The following ZNF516 variants were observed in gnomAD, a reference collection of about 807,000 sequenced individuals.
The protein encoded by ZNF516 is zinc finger protein 516.
Under a neutral mutation model 79.7 loss-of-function variants are expected in ZNF516, and 19 were observed. The observed-to-expected ratio is 0.24, with a 90% CI of 0.17 to 0.35. ZNF516 has a LOEUF of 0.35. Among genes scored for constraint, ZNF516 ranks in the 10% least tolerant of loss-of-function variants. ZNF516 has a pLI of 1.00. For synonymous variants in ZNF516, 877 were observed against 739.5 expected, an observed-to-expected ratio of 1.19 and a Z score of -3.02; for missense variants, 1,678 against 1,679.5, an observed-to-expected ratio of 1.00 and a Z score of 0.02.
At position 76,423,983 on chromosome 18, in the gene ZNF516, A is replaced by G. The variant is rs527547502; in HGVS notation, c.1810+17262T>C. ...CACGCAGGTGAAAAGGCTCCCCCGA[A>G]ACACACACAGGTAAAAAGGCTTCAC... On this transcript the variant is annotated intron_variant, in intron 3 of 6. Transcript: ENST00000443185. Among the ~76,000 whole-genome samples the G allele has an allele frequency of 1.5e-3, 190 of 129,562 alleles. 1 individual carries two copies. The highest frequency in any genetic ancestry group is 5.4e-3 in the African/African-American group (181 of 33,492). 85.0% of individuals were successfully genotyped at this position (129,562 alleles called of 152,430 possible).
rs759543678 is a variant in ZNF516, at chr18:76,442,434, G to A, written c.621C>T (p.Tyr207=). The change falls in exon 3 of 7, where the codon TAC becomes TAT. Residue 207 remains tyrosine (Y), a synonymous_variant. Coordinates refer to ENST00000443185, the MANE Select transcript of ZNF516 (RefSeq NM_014643.4). ...HKPFKCRLCS[Y]ATLREESLLS... ...GCAGCGACTCCTCCCGCAGCGTCGCGTAGCTGCACAGCCTGCACTTGAACG... is the reference window on the plus strand; with the variant it reads ...GCAGCGACTCCTCCCGCAGCGTCGCATAGCTGCACAGCCTGCACTTGAACG... 3.7e-6 allele frequency: 6 copies of A among 1,606,610 alleles called. No homozygotes were observed. The highest frequency in any genetic ancestry group is 1.7e-5 in the Admixed American group (1 of 60,004).
At chr18:76,494,465 C>A (rs1462172652) in intron 1 of ZNF516, among the ~76,000 whole-genome samples, 1 of 149,942 alleles carries the variant, frequency 6.7e-6, no homozygotes, top group Non-Finnish European at 1.5e-5. Context: ...CACCCCCACC[C>A]CCGCCCGAAC....
Position 76,442,792 on chromosome 18 carries a change from G to T in ZNF516, c.263C>A (p.Thr88Asn), listed in dbSNP as rs1400518218. 19 of 1,607,208 alleles carry T rather than the reference G, an allele frequency of 1.2e-5. No individual in the cohort carries two copies. Among genetic ancestry groups the T allele is most frequent in the Non-Finnish European group, 1.6e-5 (19 of 1,176,760 alleles). Residue 88 changes from threonine to asparagine, a missense_variant, in exon 3 of 7, where the codon ACT becomes AAT. This residue lies in a region of ZNF516 where 26 missense variants were observed against 66.4 expected (regional missense o/e 0.39). Transcript: ENST00000443185. ...KIHIRSHRTG[T>N]LIQGHEPEAG... ...CTCCGGCTCGTGTCCCTGAATCAGA[G>T]TCCCCGTGCGGTGGCTCCGGATGTG...
chr18:76,492,026 C>T (rs1309612390), intron 1 of ZNF516: 4 of 335,922 alleles, frequency 1.2e-5, no homozygotes, highest in Non-Finnish European at 1.7e-5. Flanking sequence ...CACGGACCCT[C>T]GGGTGACCTC....
chr18:76,453,887 A>G (rs1912565765), intron 2 of ZNF516, among the ~76,000 whole-genome samples: 1 of 152,214 alleles, frequency 6.6e-6, no homozygotes, highest in Non-Finnish European at 1.5e-5. Context: ...TGTATATACT[A>G]TGCCATGTAA....
At chr18:76,464,387 G>T (rs1165893449) in intron 1 of ZNF516, among the ~76,000 whole-genome samples, 2 of 152,096 alleles carry the variant, frequency 1.3e-5, no homozygotes, top group African/African-American at 2.4e-5. Flanking sequence ...CAGAAAGTGG[G>T]ACTCACACAT....
intron 1 of ZNF516, chr18:76,492,438 G>A: frequency 1.1e-6 from 1 of 912,626 alleles, no homozygotes; most frequent in Non-Finnish European, 1.3e-6. Context: ...GGAGGCGGGT[G>A]GGCAGCCGAA....
At chr18:76,490,821 G>A (rs1488278873) in intron 1 of ZNF516, 3 of 985,472 alleles carry the variant, frequency 3.0e-6, no homozygotes, top group South Asian at 4.7e-5. Context: ...GGGTCCGAGG[G>A]CTCCGTCCTT....
intron 3 of ZNF516, among the ~76,000 whole-genome samples, chr18:76,400,576 A>G (rs183568979): frequency 3.9e-4 from 59 of 152,372 alleles, no homozygotes; most frequent in Admixed American, 3.4e-3. Context: ...AGTGTGGATT[A>G]TAAAGCTATA....
At chr18:76,495,898 C>T (rs1029099499), upstream of ZNF516, 155 of 397,382 alleles carry the variant, frequency 3.9e-4, 3 homozygotes, top group African/African-American at 3.3e-3. Flanking sequence ...AATCAAGGGT[C>T]ACAGAGGTCC....
chr18:76,483,919 C>A (rs1914679442), intron 1 of ZNF516, among the ~76,000 whole-genome samples: 2 of 152,172 alleles, frequency 1.3e-5, no homozygotes, highest in Non-Finnish European at 2.9e-5. Context: ...AACAACTGGT[C>A]CAGTGCCCAA....
At position 76,450,065 on chromosome 18, in the gene ZNF516, G is replaced by A. The variant is rs149565785; in HGVS notation, c.-157-6854C>T. Among the ~76,000 whole-genome samples, 24 of 151,830 alleles carry A rather than the reference G, an allele frequency of 1.6e-4. No homozygotes were observed. In the East Asian group the frequency reaches 2.1e-3, roughly 14 times the overall value. Reference sequence around the variant, plus strand: ...CTTGTGTTAAGCTGGTAATATAGGAGAGTGGTCTTATTCTTTGGAGATGTG... The same window carrying A: ...CTTGTGTTAAGCTGGTAATATAGGAAAGTGGTCTTATTCTTTGGAGATGTG... On this transcript the variant is annotated intron_variant, in intron 2 of 6. Coordinates refer to ENST00000443185, the MANE Select transcript of ZNF516 (RefSeq NM_014643.4).
At chr18:76,492,333 A>G (rs184729740) in intron 1 of ZNF516, 1 of 985,300 alleles carries the variant, frequency 1.0e-6, no homozygotes, top group Non-Finnish European at 1.2e-6. Context: ...TCGGTGCCAC[A>G]GTAAGTCAGC....
intron 3 of ZNF516, among the ~76,000 whole-genome samples, chr18:76,420,752 A>G (rs1200691958): frequency 6.6e-6 from 1 of 152,208 alleles, no homozygotes; most frequent in Non-Finnish European, 1.5e-5. Flanking sequence ...TATAAAAAAA[A>G]ACAAACAGTA....
At chr18:76,363,242 C>T (rs1222873669) in intron 6 of ZNF516, among the ~76,000 whole-genome samples, 2 of 152,182 alleles carry the variant, frequency 1.3e-5, no homozygotes, top group African/African-American at 2.4e-5. Context: ...ACAGTATGGC[C>T]AGATTAATCT....
intron 5 of ZNF516, among the ~76,000 whole-genome samples, chr18:76,370,999 C>T (rs2074694423): frequency 6.6e-6 from 1 of 152,152 alleles, no homozygotes; most frequent in Non-Finnish European, 1.5e-5. Flanking sequence ...GTTTCCAGCC[C>T]GATCGGGTGC....
chr18:76,429,827 C>G (rs952236063), intron 3 of ZNF516, among the ~76,000 whole-genome samples: 2 of 152,232 alleles, frequency 1.3e-5, no homozygotes, highest in Non-Finnish European at 2.9e-5. Flanking sequence ...AATCCAATGT[C>G]TGCCAGACAC....
intron 5 of ZNF516, among the ~76,000 whole-genome samples, 189 bp downstream of exon 5, chr18:76,371,278 A>C (rs1257807353): frequency 1.3e-5 from 2 of 151,936 alleles, no homozygotes; most frequent in Non-Finnish European, 2.9e-5. Context: ...CATGGACACC[A>C]AAAAAACCCA....
At chr18:76,413,311 T>C (rs1287941332) in intron 3 of ZNF516, among the ~76,000 whole-genome samples, 1 of 152,250 alleles carries the variant, frequency 6.6e-6, no homozygotes, top group Non-Finnish European at 1.5e-5. Context: ...TTTAAAATTA[T>C]ATATAAATTA....
Sources: gnomAD v4.1 joint callset for allele counts (sites outside exome capture counted in the v4.1 genomes callset) on GRCh38, gnomAD v4.1.1 for gene constraint, gnomAD v4.1.1 regional missense constraint, MANE v1.5 for transcripts, NCBI Gene and HGNC (gene_info 2026-07-23, HGNC 2026-07-21) for gene names.